NECTIN4: variants seen among roughly 807,000 people sequenced by gnomAD.
NECTIN4 encodes nectin-4.
Under a neutral mutation model 51.7 loss-of-function variants are expected in NECTIN4, and 19 were observed. The ratio of observed to expected loss-of-function variants is 0.37; its 90% CI spans 0.26 to 0.54. The LOEUF (loss-of-function observed/expected upper bound fraction) is 0.54, where lower values mean the gene tolerates loss of function less well. Among genes scored for constraint, NECTIN4 ranks in the 20% least tolerant of loss-of-function variants. The probability of loss-of-function intolerance (pLI) is 0.86; values close to 1 mark genes in which losing one functional copy is unlikely to be tolerated. For synonymous variants in NECTIN4, 283 were observed against 286.9 expected, an observed-to-expected ratio of 0.99 and a Z score of 0.14; for missense variants, 619 against 662.4, an observed-to-expected ratio of 0.93 and a Z score of 0.72.
intron 1 of NECTIN4, among the ~76,000 whole-genome samples, 198 bp from the exon 2 acceptor site, chr1:161,080,147 T>G (rs1311282467): frequency 6.6e-6 from 1 of 152,144 alleles, no homozygotes; most frequent in African/African-American, 2.4e-5. Context: ...GTTTAACAGA[T>G]GAGGAAACTG....
chr1:161,088,491 T>C (rs1213959768), intron 1 of NECTIN4, among the ~76,000 whole-genome samples: 1 of 152,098 alleles, frequency 6.6e-6, no homozygotes, highest in Non-Finnish European at 1.5e-5. Flanking sequence ...ACAAGGCATC[T>C]AGTTAAGAAA....
intron 3 of NECTIN4, 140 bp downstream of exon 3, chr1:161,077,313 T>C (rs1185386726): frequency 1.1e-6 from 1 of 885,412 alleles, no homozygotes; most frequent in Non-Finnish European, 1.9e-6. Context: ...CTTCCACATT[T>C]GGACTAGTGC....
In NECTIN4 at chr1:161,077,866, T is replaced by A. The variant is rs1571149758; in HGVS notation, c.440-123A>T. ...GGCCCCCTTTCCTTCTCTTATTTCA[T>A]GGAGACGCAGATGAATGGTAGAAAT... On this transcript the variant is annotated intron_variant, in intron 2 of 8. Coordinates refer to ENST00000368012, the MANE Select transcript of NECTIN4 (RefSeq NM_030916.3). 3.4e-6 allele frequency: 3 copies of A among 885,328 alleles called. No homozygotes were observed. In the East Asian group the frequency reaches 8.0e-5, roughly 24 times the overall value. The allele number at this position is 885,328 out of a possible 1,614,324, so 54.8% of individuals were successfully genotyped here.
intron 1 of NECTIN4, among the ~76,000 whole-genome samples, 187 bp from the exon 2 acceptor site, chr1:161,080,136 C>T (rs901396543): frequency 1.3e-5 from 2 of 152,156 alleles, no homozygotes; most frequent in Admixed American, 6.5e-5. Flanking sequence ...TTATTATCAC[C>T]GTTTAACAGA....
Position 161,079,802 on chromosome 1 carries a change from G to A in NECTIN4, c.227C>T (p.Ala76Val), listed in dbSNP as rs1653593500. The change falls in exon 2 of 9, where the codon GCC (alanine) becomes GTC (valine). Residue 76 changes from alanine (A) to valine (V), a missense_variant. Physicochemically the swap from Ala to Val is moderately conservative, Grantham distance 64 (BLOSUM62 0). Transcript: ENST00000368012. ...GGAGTGCAGTAGCGCTAGTTCCTGG[G>A]CGCCTTCGCCCGCGTCCACCCGAGC... is the stretch of plus-strand genomic sequence containing the variant. ...AWARVDAGEG[A>V]QELALLHSKY... 6.2e-7 allele frequency: 1 copy of A among 1,613,336 alleles called. No individual in the cohort carries two copies. The highest frequency in any genetic ancestry group is 1.3e-5 in the African/African-American group (1 of 74,940).
At chr1:161,073,487 G>A (rs1459045823) in intron 7 of NECTIN4, among the ~76,000 whole-genome samples, 188 bp from the exon 8 acceptor site, 1 of 152,208 alleles carries the variant, frequency 6.6e-6, no homozygotes, top group African/African-American at 2.4e-5. Context: ...AAGCAGAACT[G>A]ATGGTGGCTT....
intron 3 of NECTIN4, among the ~76,000 whole-genome samples, 176 bp from the exon 4 acceptor site, chr1:161,076,651 C>T (rs764630945): frequency 2.0e-5 from 3 of 152,100 alleles, no homozygotes; most frequent in Non-Finnish European, 2.9e-5. Context: ...CTCCTGGCCA[C>T]ACTGTTCCCT....
chr1:161,082,636 G>C (rs1352707699), intron 1 of NECTIN4, among the ~76,000 whole-genome samples: 2 of 152,038 alleles, frequency 1.3e-5, no homozygotes, highest in Non-Finnish European at 2.9e-5. Context: ...GGCCCAGATG[G>C]GACAGGATAG....
chr1:161,073,704 C>A lies in NECTIN4; in HGVS notation c.1233+16G>T. The A allele has an allele frequency of 6.2e-7, 1 of 1,612,422 alleles. No individual in the cohort carries two copies. The highest frequency in any genetic ancestry group is 1.1e-5 in the South Asian group (1 of 91,042). Reference sequence around the variant, plus strand: ...GACCACACCCCTGCATGCATACACCCAACCTTGGCACACACCTGGCTCCTG... The same window carrying A: ...GACCACACCCCTGCATGCATACACCAAACCTTGGCACACACCTGGCTCCTG... On this transcript the variant is annotated intron_variant, in intron 7 of 8. Transcript: ENST00000368012.
At chr1:161,074,462 CA>C in intron 5 of NECTIN4, 89 bp from the exon 6 acceptor site, 1 of 1,597,326 alleles carries the variant, frequency 6.3e-7, no homozygotes. Context: ...CATCTAAAAC[CA>C]CACCTCAGTT....
Position 161,072,822 on chromosome 1 carries a change from T to A in NECTIN4, c.1372A>T (p.Thr458Ser). ...CCAGAGCCTGGAGACAGCAGTTCAG[T>A]CTGTGTTTCTATCTCCCTCACCGTG... The part of the protein sequence containing the change: ...LTTVREIETQ[T>S]ELLSPGSGRA... The change falls in exon 9 of 9, where the codon ACT becomes TCT. Residue 458 changes from threonine to serine, a missense_variant. Transcript: ENST00000368012. 1 of 1,614,228 alleles carries A rather than the reference T, an allele frequency of 6.2e-7. No homozygotes were observed. Among genetic ancestry groups the A allele is most frequent in the Non-Finnish European group, 8.5e-7 (1 of 1,180,046 alleles).
chr1:161,083,038 TAC>T (rs755795193), intron 1 of NECTIN4, among the ~76,000 whole-genome samples: 7 of 152,140 alleles, frequency 4.6e-5, no homozygotes, highest in Non-Finnish European at 7.4e-5. Flanking sequence ...CTTCTTAGGG[TAC>T]AGCAGGCATT....
chr1:161,075,947 G>A (rs369015622), intron 4 of NECTIN4, among the ~76,000 whole-genome samples: 73 of 149,982 alleles, frequency 4.9e-4, no homozygotes, highest in African/African-American at 1.5e-3. Context: ...TTGGTGGCGC[G>A]CACCTGTAAT....
At position 161,079,677 on chromosome 1, in the gene NECTIN4, C is replaced by T; in HGVS notation, c.352G>A (p.Val118Met). The part of the protein sequence containing the change: ...LDGSVLLRNA[V>M]QADEGEYECR... ...TCGTACTCGCCCTCATCCGCCTGCA[C>T]TGCGTTGCGCAGGAGCACTGAGCCG... Residue 118 changes from valine (V) to methionine (M), a missense_variant, in exon 2 of 9, where the codon GTG (valine) becomes ATG (methionine). Transcript: ENST00000368012. 6.2e-7 allele frequency: 1 copy of T among 1,607,212 alleles called. No homozygotes were observed. Among genetic ancestry groups the T allele is most frequent in the Non-Finnish European group, 8.5e-7 (1 of 1,179,564 alleles).
chr1:161,073,193 G>C (rs1653255641), intron 8 of NECTIN4, 32 bp downstream of exon 8: 4 of 1,592,496 alleles, frequency 2.5e-6, no homozygotes, highest in South Asian at 1.1e-5. Flanking sequence ...CGAGGAGAGT[G>C]GTGGGGACAC....
chr1:161,078,111 T>C (rs1271812031), intron 2 of NECTIN4, among the ~76,000 whole-genome samples: 2 of 152,114 alleles, frequency 1.3e-5, no homozygotes, highest in African/African-American at 4.8e-5. Flanking sequence ...AGTTAGGTAT[T>C]ATTATCTCTA....
intron 4 of NECTIN4, 55 bp downstream of exon 4, chr1:161,076,300 T>C (rs1571147312): frequency 6.2e-7 from 1 of 1,609,568 alleles, no homozygotes. Flanking sequence ...ATCCTGGCCC[T>C]GAGAGGGGAG....
chr1:161,076,556 C>T, intron 3 of NECTIN4, 81 bp from the exon 4 acceptor site: 1 of 1,584,472 alleles, frequency 6.3e-7, no homozygotes, highest in Non-Finnish European at 8.6e-7. Context: ...GCCCCCACCC[C>T]ACCCTGCCTG....
chr1:161,081,420 A>C (rs1200749973), intron 1 of NECTIN4, among the ~76,000 whole-genome samples: 1 of 152,030 alleles, frequency 6.6e-6, no homozygotes, highest in Non-Finnish European at 1.5e-5. Context: ...AAGAGAGATG[A>C]AGGAGAGGAA....
Sources: allele counts gnomAD v4.1 joint callset (sites outside exome capture counted in the v4.1 genomes callset), GRCh38; gene constraint gnomAD v4.1.1; transcripts MANE v1.5; gene names NCBI Gene and HGNC (gene_info 2026-07-23, HGNC 2026-07-21).